Variants in LRRC9 observed in about 807,000 individuals in gnomAD.
The protein encoded by LRRC9 is leucine-rich repeat-containing protein 9.
LRRC9 carries 122 observed loss-of-function variants against 63.2 expected under a neutral mutation model. That is an observed-to-expected ratio of 1.93 (90% CI 1.67 to 2.24). LRRC9 has a LOEUF of 2.24. Ranked by LOEUF, LRRC9 falls within the 30% of genes most tolerant of loss-of-function variation. LRRC9 has a pLI of 0.00. For missense variants in LRRC9, 1,071 were observed against 627.7 expected (o/e 1.71, Z -7.55); for synonymous variants, 366 against 213.1 (o/e 1.72, Z -6.25).
At chr14:60,015,316 A>G (rs1890588157) in intron 23 of LRRC9, among the ~76,000 whole-genome samples, 1 of 152,080 alleles carries the variant, frequency 6.6e-6, no homozygotes, top group Non-Finnish European at 1.5e-5. Flanking sequence ...TTCACATTCA[A>G]GTTGAGATGT....
chr14:60,052,939 T>C (rs1894000193), intron 29 of LRRC9, 126 bp from the exon 30 acceptor site: 5 of 532,978 alleles, frequency 9.4e-6, no homozygotes, highest in Non-Finnish European at 1.7e-5. Flanking sequence ...ATCTGTAGCA[T>C]CTATTACTAT....
chr14:59,985,913 A>G (rs1345619262), intron 17 of LRRC9, among the ~76,000 whole-genome samples: 4 of 152,124 alleles, frequency 2.6e-5, no homozygotes, highest in Non-Finnish European at 5.9e-5. Context: ...TTTGCTTTTA[A>G]AATGTACTTT....
Position 59,941,224 on chromosome 14 carries a change from G to A in LRRC9, c.726+2652G>A, listed in dbSNP as rs888748349. ...TTAGAAAAAGTTGAAACTATGGTAA[G>A]ATATAGTAGACACTAAAATCAGTTG... On this transcript the variant is annotated intron_variant, in intron 7 of 31. Transcript: ENST00000445360. Among the ~76,000 whole-genome samples, 16 of 152,066 alleles carry A rather than the reference G, an allele frequency of 1.1e-4. 1 individual carries two copies. The highest frequency in any genetic ancestry group is 5.8e-4 in the East Asian group (3 of 5,186).
At chr14:59,978,205 G>C (rs1406303403) in intron 15 of LRRC9, 73 bp downstream of exon 15, 1 of 668,250 alleles carries the variant, frequency 1.5e-6, no homozygotes, top group Non-Finnish European at 2.7e-6. Flanking sequence ...ATTTGAAGTC[G>C]AATAATGCTA....
rs1005983782 is a variant in LRRC9 at position 59,966,571 on chromosome 14, G to A, written c.1212-18G>A. 1.6e-6 allele frequency: 1 copy of A among 632,468 alleles called. No individual in the cohort carries two copies. Among genetic ancestry groups the A allele is most frequent in the Admixed American group, 2.6e-5 (1 of 38,968 alleles). The allele number at this position is 632,468 out of a possible 1,614,324, so 39.2% of individuals were successfully genotyped here. A position where few individuals can be genotyped will look rare whatever the true frequency, so the allele number is the denominator to read the frequency against. On this transcript the variant is annotated intron_variant, in intron 10 of 31. Coordinates refer to ENST00000445360, the Ensembl canonical transcript of LRRC9. This position sits in a 1 kb window ranked among gnomAD's most constrained non-coding sequence, Gnocchi z 4.0. The stretch of plus-strand genomic sequence containing the variant: ...CTATTATTTTCTTCATGTATATTCT[G>A]TATGTATTCCCACATAGGTTTAATT...
rs1202288211 is a variant in LRRC9 at position 59,990,525 on chromosome 14, C to T, written c.2211+5301C>T. Among the ~76,000 whole-genome samples the T allele has an allele frequency of 6.6e-6, 1 of 152,046 alleles. No homozygotes were observed. Among genetic ancestry groups the T allele is most frequent in the Admixed American group, 6.5e-5 (1 of 15,270 alleles). Reference sequence around the variant, plus strand: ...GGCTCAAGTGATCCCCTTGCCTCAGCCTCCTGGGTAGCTGGAACTACAGGT... The same window carrying T: ...GGCTCAAGTGATCCCCTTGCCTCAGTCTCCTGGGTAGCTGGAACTACAGGT... On this transcript the variant is annotated intron_variant, in intron 17 of 31. Transcript: ENST00000445360. The surrounding 1 kb of genome is among the most constrained non-coding windows in gnomAD (Gnocchi z 4.2).
intron 13 of LRRC9, among the ~76,000 whole-genome samples, chr14:59,977,023 T>A (rs1886361499): frequency 1.3e-5 from 2 of 152,192 alleles, no homozygotes; most frequent in Admixed American, 1.3e-4. Flanking sequence ...TTTATAATTA[T>A]TTCATGTATT....
chr14:60,016,451 C>T (rs906771255), intron 23 of LRRC9, among the ~76,000 whole-genome samples: 4 of 152,124 alleles, frequency 2.6e-5, no homozygotes, highest in African/African-American at 9.6e-5. Flanking sequence ...AGCAATCCTC[C>T]CACCTTGGCC....
chr14:60,021,388 G>A (rs1306387815), intron 26 of LRRC9, among the ~76,000 whole-genome samples: 2 of 151,734 alleles, frequency 1.3e-5, no homozygotes, highest in Non-Finnish European at 3.0e-5. Context: ...TATACTGGGG[G>A]TAAGCCCTTT....
chr14:59,942,722 C>T lies in LRRC9; in HGVS notation c.727-1867C>T, dbSNP rs533653983. Among the ~76,000 whole-genome samples, 9 of 151,510 alleles carry T rather than the reference C, an allele frequency of 5.9e-5. No homozygotes were observed. The East Asian group carries it at 1.5e-3, about 26-fold the overall frequency. Reference sequence around the variant, plus strand: ...CAGCCTGGGTGACAGAGTGAGACTCCGTCTCAAAAAAAAGAGTTCCCTTTG... The same window carrying T: ...CAGCCTGGGTGACAGAGTGAGACTCTGTCTCAAAAAAAAGAGTTCCCTTTG... On this transcript the variant is annotated intron_variant, in intron 7 of 31. Coordinates refer to ENST00000445360, the Ensembl canonical transcript of LRRC9. The surrounding 1 kb of genome is among the most constrained non-coding windows in gnomAD (Gnocchi z 5.3).
At chr14:59,971,427 C>G (rs1191831533) in intron 12 of LRRC9, among the ~76,000 whole-genome samples, 3 of 151,992 alleles carry the variant, frequency 2.0e-5, no homozygotes, top group African/African-American at 7.3e-5. Flanking sequence ...TCTTTTGGTT[C>G]CATTTGAGTT....
Position 60,023,371 on chromosome 14 carries a change from T to C in LRRC9, c.3703+501T>C, listed in dbSNP as rs755536853. ...AAATTAAAAGATTAGCTCGTCGGCA[T>C]GTATAGAACTCTTTAAAGGAGTGAT... On this transcript the variant is annotated intron_variant, in intron 27 of 31. Coordinates refer to ENST00000445360, the Ensembl canonical transcript of LRRC9. Among the ~76,000 whole-genome samples, 101 of 151,968 alleles carry C rather than the reference T, an allele frequency of 6.6e-4. 2 individuals carry two copies. The highest frequency in any genetic ancestry group is 1.5e-4 in the Non-Finnish European group (10 of 67,972).
chr14:59,994,873 A>C (rs963477358), intron 17 of LRRC9, among the ~76,000 whole-genome samples: 3 of 151,488 alleles, frequency 2.0e-5, no homozygotes, highest in African/African-American at 7.3e-5. Context: ...GGGTGGGGGG[A>C]AGGGGGAGGG....
At chr14:59,977,096 A>C in intron 13 of LRRC9, 129 bp from the exon 14 acceptor site, 3 of 571,584 alleles carry the variant, frequency 5.2e-6, no homozygotes, top group Non-Finnish European at 9.2e-6. Flanking sequence ...GTACAGTAGC[A>C]AACAAGAGAG....
Position 60,038,505 on chromosome 14 carries a change from G to T in LRRC9, c.3990+6442G>T, listed in dbSNP as rs141454085. ...ACATCCCTTGTAAGTTAGATTCCTA[G>T]GTATTTTATTTTCTCTGAAGCAATT... is the stretch of plus-strand genomic sequence containing the variant. On this transcript the variant is annotated intron_variant, in intron 29 of 31. Transcript: ENST00000445360. 5.4e-3 allele frequency among the ~76,000 whole-genome samples: 824 copies of T among 152,130 alleles called. 8 individuals carry two copies. The highest frequency in any genetic ancestry group is 0.019 in the African/African-American group (792 of 41,484).
At position 59,986,751 on chromosome 14, in the gene LRRC9, G is replaced by T. The variant is rs1398649703; in HGVS notation, c.2211+1527G>T. 1.3e-5 allele frequency among the ~76,000 whole-genome samples: 2 copies of T among 152,138 alleles called. No individual in the cohort carries two copies. The highest frequency in any genetic ancestry group is 2.4e-5 in the African/African-American group (1 of 41,442). ...ATTTATTTTGCCATGTGGTGGTGGTGTTCAACTTTAATACAAAAATTATTT... is the reference window on the plus strand; with the variant it reads ...ATTTATTTTGCCATGTGGTGGTGGTTTTCAACTTTAATACAAAAATTATTT... On this transcript the variant is annotated intron_variant, in intron 17 of 31. Transcript: ENST00000445360. The surrounding 1 kb of genome is among the most constrained non-coding windows in gnomAD (Gnocchi z 4.7).
At chr14:60,059,244 AT>A (rs1233368869) in intron 31 of LRRC9, 1 of 152,188 alleles carries the variant, frequency 6.6e-6, no homozygotes, top group Non-Finnish European at 1.5e-5. Context: ...TTCCAACAAC[AT>A]GTGCTCACTT....
chr14:60,029,724 T>C (rs75842744), intron 28 of LRRC9, among the ~76,000 whole-genome samples: 1,608 of 152,250 alleles, frequency 0.011, 27 homozygotes, highest in African/African-American at 0.037. Flanking sequence ...GTCAAGCTTA[T>C]TTATTTTCAA....
In LRRC9 at chr14:60,017,168, C is replaced by T. The variant is rs1033740868; in HGVS notation, c.3317+378C>T. 1.6e-4 allele frequency among the ~76,000 whole-genome samples: 25 copies of T among 152,156 alleles called. No individual in the cohort carries two copies. The highest frequency in any genetic ancestry group is 6.0e-4 in the African/African-American group (25 of 41,546). ...AAAGTGTTGGGATTTCAGGTGTGAG[C>T]CACTGTGCCCAGCCTAAAATTAAAA... is the stretch of plus-strand genomic sequence containing the variant. On this transcript the variant is annotated intron_variant, in intron 24 of 31. Coordinates refer to ENST00000445360, the Ensembl canonical transcript of LRRC9. The surrounding 1 kb of genome is among the most constrained non-coding windows in gnomAD (Gnocchi z 4.0).
Sources: gnomAD v4.1 joint callset for allele counts (sites outside exome capture counted in the v4.1 genomes callset) on GRCh38, gnomAD v4.1.1 for gene constraint, Gnocchi (gnomAD v3.1) non-coding constraint, MANE v1.5 for transcripts, NCBI Gene and HGNC (gene_info 2026-07-23, HGNC 2026-07-21) for gene names.